FAT3: variants seen among roughly 807,000 people sequenced by gnomAD.
The protein encoded by FAT3 is FAT atypical cadherin 3.
A neutral mutation model predicts 310.2 loss-of-function variants in FAT3; 95 were observed. That is an observed-to-expected ratio of 0.31 (90% CI 0.26 to 0.36). The LOEUF (loss-of-function observed/expected upper bound fraction) is 0.36. Among genes scored for constraint, FAT3 ranks in the 10% least tolerant of loss-of-function variants. FAT3 has a pLI of 1.00. For missense variants in FAT3, 5,408 were observed against 5,715.6 expected (o/e 0.95, Z 1.74); for synonymous variants, 2,314 against 2,192.9 (o/e 1.06, Z -1.54).
At chr11:92,310,655 GTA>G (rs60590209) in intron 1 of FAT3, among the ~76,000 whole-genome samples, 13,056 of 151,716 alleles carry the variant, frequency 0.086, 867 homozygotes, top group African/African-American at 0.18. Flanking sequence ...ACGTGTGTGT[GTA>G]TATATATATG....
At chr11:92,308,443 C>CCAT (rs2134447440) in intron 1 of FAT3, among the ~76,000 whole-genome samples, 2 of 152,006 alleles carry the variant, frequency 1.3e-5, no homozygotes, top group South Asian at 4.2e-4. Flanking sequence ...TGAAGAAAAC[C>CCAT]AGTTGTTTGA....
At chr11:92,242,350 T>C (rs1864700067) in intron 1 of FAT3, among the ~76,000 whole-genome samples, 1 of 152,062 alleles carries the variant, frequency 6.6e-6, no homozygotes, top group East Asian at 1.9e-4. Context: ...GCATTAATCC[T>C]TCACAATCTT....
At chr11:92,546,984 G>A (rs1451423178) in intron 3 of FAT3, among the ~76,000 whole-genome samples, 6 of 152,160 alleles carry the variant, frequency 3.9e-5, no homozygotes, top group African/African-American at 1.4e-4. Context: ...ATCCTATTAG[G>A]TGAGACGATT....
chr11:92,297,852 T>C (rs1946891018), intron 1 of FAT3, among the ~76,000 whole-genome samples: 1 of 152,128 alleles, frequency 6.6e-6, no homozygotes, highest in Non-Finnish European at 1.5e-5. Flanking sequence ...TCTTTTGAAA[T>C]CTTAAATTGT....
chr11:92,882,585 T>TCCCCCCCCCCCCCCCCCC (rs58520864), intron 23 of FAT3, among the ~76,000 whole-genome samples, 153 bp from the exon 24 acceptor site: 25 of 93,218 alleles, frequency 2.7e-4, no homozygotes, highest in Non-Finnish European at 4.4e-4. Flanking sequence ...TAACTCCCCC[T>TCCCCCCCCCCCCCCCCCC]CCCCCCCCCC....
At chr11:92,512,312 A>C (rs894261260) in intron 2 of FAT3, among the ~76,000 whole-genome samples, 8 of 151,778 alleles carry the variant, frequency 5.3e-5, no homozygotes, top group Non-Finnish European at 8.8e-5. Context: ...GCACCACCTC[A>C]TTCTCTAAAA....
intron 2 of FAT3, among the ~76,000 whole-genome samples, chr11:92,504,763 C>G (rs915427673): frequency 5.3e-5 from 8 of 152,010 alleles, no homozygotes; most frequent in African/African-American, 1.9e-4. Context: ...ACACATTTGC[C>G]TAGTGATATG....
At chr11:92,858,181 T>C (rs1244335800) in intron 20 of FAT3, among the ~76,000 whole-genome samples, 2 of 152,214 alleles carry the variant, frequency 1.3e-5, no homozygotes, top group Non-Finnish European at 2.9e-5. Flanking sequence ...AGAAGCACTG[T>C]TCCTAAAAGT....
At chr11:92,830,497 C>T (rs1302699308) in intron 13 of FAT3, among the ~76,000 whole-genome samples, 9 of 152,064 alleles carry the variant, frequency 5.9e-5, no homozygotes, top group African/African-American at 1.4e-4. Flanking sequence ...TTCTTTTTTT[C>T]CCTCTATAAT....
chr11:92,414,522 G>C (rs1342843915), intron 2 of FAT3, among the ~76,000 whole-genome samples: 1 of 152,282 alleles, frequency 6.6e-6, no homozygotes, highest in Non-Finnish European at 1.5e-5. Context: ...AATGTAGTCT[G>C]TCATTTCTTA....
chr11:92,588,028 C>T (rs1374082594), intron 3 of FAT3, among the ~76,000 whole-genome samples: 1 of 151,968 alleles, frequency 6.6e-6, no homozygotes, highest in African/African-American at 2.4e-5. Context: ...TTCTCTGAGT[C>T]TTCTAAAGAC....
chr11:92,289,516 C>T (rs1391511712), intron 1 of FAT3, among the ~76,000 whole-genome samples: 1 of 151,654 alleles, frequency 6.6e-6, no homozygotes, highest in Non-Finnish European at 1.5e-5. Context: ...CACACACACA[C>T]ACACACACAC....
chr11:92,472,650 A>G (rs936591169), intron 2 of FAT3, among the ~76,000 whole-genome samples: 5 of 152,192 alleles, frequency 3.3e-5, no homozygotes, highest in Non-Finnish European at 7.3e-5. Context: ...TCTAAGTACA[A>G]TGGAATATTC....
intron 3 of FAT3, among the ~76,000 whole-genome samples, chr11:92,572,828 A>C (rs1938252531): frequency 6.6e-6 from 1 of 152,180 alleles, no homozygotes; most frequent in South Asian, 2.1e-4. Flanking sequence ...TGATTTCCTC[A>C]TGAGGTGACT....
At chr11:92,615,956 G>A (rs1359304216) in intron 3 of FAT3, among the ~76,000 whole-genome samples, 2 of 152,210 alleles carry the variant, frequency 1.3e-5, no homozygotes, top group African/African-American at 4.8e-5. Flanking sequence ...ATATTCTGTT[G>A]ATTTGGGGTG....
In FAT3 at chr11:92,374,030, G is replaced by GGAGAGAGAGAGAGAGAGA. The variant is rs58680206; in HGVS notation, c.3292+18637_3292+18654dup. 1.4e-3 allele frequency among the ~76,000 whole-genome samples: 196 copies of GGAGAGAGAGAGAGAGAGA among 142,220 alleles called. 1 individual carries two copies. Among genetic ancestry groups the GGAGAGAGAGAGAGAGAGA allele is most frequent in the African/African-American group, 3.7e-3 (138 of 37,482 alleles). 93.3% of individuals were successfully genotyped at this position (142,220 alleles called of 152,430 possible). A position where few individuals can be genotyped will look rare whatever the true frequency, so the allele number is the denominator to read the frequency against. ...CCAAAGGACTCTCAGACAGAGAGAG[G>GGAGAGAGAGAGAGAGAGA]GAGAGAGAGAGAGAGAGAGAGAGAG... is the stretch of plus-strand genomic sequence containing the variant. On this transcript the variant is annotated intron_variant, in intron 2 of 27. Coordinates refer to ENST00000525166, the MANE Select transcript of FAT3 (RefSeq NM_001367949.2).
At chr11:92,259,155 A>T (rs1276504960) in intron 1 of FAT3, among the ~76,000 whole-genome samples, 2 of 152,114 alleles carry the variant, frequency 1.3e-5, no homozygotes, top group Non-Finnish European at 2.9e-5. Context: ...TCTGTAAAAT[A>T]CACCTTTAAT....
intron 2 of FAT3, among the ~76,000 whole-genome samples, chr11:92,412,141 T>A (rs1357779812): frequency 6.6e-6 from 1 of 152,124 alleles, no homozygotes; most frequent in East Asian, 1.9e-4. Flanking sequence ...TCTCGCTCTG[T>A]CGCCAGGCTG....
Position 92,761,958 on chromosome 11 carries a change from G to T in FAT3, c.3772G>T (p.Val1258Phe), listed in dbSNP as rs562425904. ...NDNKPQFPEK[V>F]YQIKLPERDR... is the part of the protein sequence containing the mutation. The stretch of plus-strand genomic sequence containing the variant: ...CAACAAGCCCCAGTTCCCAGAGAAG[G>T]TCTACCAGATCAAGCTGCCAGAACG... Residue 1258 changes from valine (V) to phenylalanine (F), a missense_variant, in exon 5 of 28, where the codon GTC (valine) becomes TTC (phenylalanine). Transcript: ENST00000525166. 120 of 1,613,924 alleles carry T rather than the reference G, an allele frequency of 7.4e-5. 1 individual carries two copies. In the South Asian group the frequency reaches 1.3e-3, roughly 17 times the overall value.
Sources: allele counts gnomAD v4.1 joint callset (sites outside exome capture counted in the v4.1 genomes callset), GRCh38; gene constraint gnomAD v4.1.1; transcripts MANE v1.5; gene names NCBI Gene and HGNC (gene_info 2026-07-23, HGNC 2026-07-21).